The following NCKAP5 variants were observed in gnomAD, a reference collection of about 807,000 sequenced individuals.
NCKAP5 encodes the protein nck-associated protein 5.
Under a neutral mutation model 167.0 loss-of-function variants are expected in NCKAP5, and 92 were observed. The ratio of observed to expected loss-of-function variants is 0.55; its 90% CI spans 0.47 to 0.66. NCKAP5 has a LOEUF of 0.66. NCKAP5 is among the 30% of genes least tolerant of loss of function. The probability of loss-of-function intolerance (pLI) is 0.00; values close to 1 mark genes in which losing one functional copy is unlikely to be tolerated. For missense variants in NCKAP5, 2,378 were observed against 2,315.0 expected (o/e 1.03, Z -0.56); for synonymous variants, 891 against 877.4 (o/e 1.02, Z -0.27).
At chr2:132,878,457 T>A (rs560159946) in intron 9 of NCKAP5, among the ~76,000 whole-genome samples, 2 of 152,136 alleles carry the variant, frequency 1.3e-5, no homozygotes, top group Admixed American at 6.5e-5. Flanking sequence ...AGATGCAGCA[T>A]GCCCCGACAT....
At chr2:133,395,500 A>C (rs1687678738) in intron 3 of NCKAP5, among the ~76,000 whole-genome samples, 1 of 152,210 alleles carries the variant, frequency 6.6e-6, no homozygotes, top group Non-Finnish European at 1.5e-5. Context: ...GTCATGATTT[A>C]AGTTGTGTAT....
chr2:133,508,780 G>A (rs933150981), intron 3 of NCKAP5, among the ~76,000 whole-genome samples: 2 of 152,226 alleles, frequency 1.3e-5, no homozygotes, highest in African/African-American at 4.8e-5. Flanking sequence ...TTGAAAGATG[G>A]TGAGACAACA....
At chr2:133,022,081 G>A (rs1300702710) in intron 6 of NCKAP5, among the ~76,000 whole-genome samples, 1 of 152,226 alleles carries the variant, frequency 6.6e-6, no homozygotes, top group Non-Finnish European at 1.5e-5. Flanking sequence ...TTGATGGGAT[G>A]TCACTTCGGT....
At chr2:133,584,477 G>A in the NCKAP5 span, among the ~76,000 whole-genome samples, 2 of 152,086 alleles carry the variant, frequency 1.3e-5, no homozygotes, top group African/African-American at 2.4e-5. Flanking sequence ...TAAAAAATGA[G>A]GGCAGGGCCA....
the NCKAP5 span, among the ~76,000 whole-genome samples, chr2:133,594,830 A>T: frequency 1.3e-5 from 2 of 152,192 alleles, no homozygotes; most frequent in Non-Finnish European, 2.9e-5. Context: ...TCATCGCTAT[A>T]TGAGGACCAC....
chr2:133,005,959 C>T (rs1320010694), intron 6 of NCKAP5, among the ~76,000 whole-genome samples: 1 of 152,034 alleles, frequency 6.6e-6, no homozygotes, highest in Admixed American at 6.6e-5. Flanking sequence ...CCTGGACAAT[C>T]AAAATTTCTT....
At chr2:133,451,515 G>A (rs1193806704) in intron 3 of NCKAP5, among the ~76,000 whole-genome samples, 1 of 152,120 alleles carries the variant, frequency 6.6e-6, no homozygotes, top group Non-Finnish European at 1.5e-5. Context: ...CTTTTCCCTG[G>A]AATGCCACAC....
intron 4 of NCKAP5, among the ~76,000 whole-genome samples, chr2:133,224,266 T>C (rs1424546315): frequency 1.3e-5 from 2 of 152,216 alleles, no homozygotes; most frequent in South Asian, 2.1e-4. Context: ...GGTAAGTCCC[T>C]AGAAGGCTGT....
At chr2:133,150,542 GA>G (rs1331013268) in intron 5 of NCKAP5, among the ~76,000 whole-genome samples, 1 of 152,170 alleles carries the variant, frequency 6.6e-6, no homozygotes, top group African/African-American at 2.4e-5. Context: ...TTCTGTCGGT[GA>G]GGGCTTCATC....
chr2:133,059,952 A>C (rs1018637158), intron 6 of NCKAP5, among the ~76,000 whole-genome samples: 13 of 152,060 alleles, frequency 8.5e-5, no homozygotes, highest in African/African-American at 3.1e-4. Context: ...AAAATGAGGG[A>C]GGAAAGAGAA....
chr2:132,837,615 T>C (rs1021958165), intron 11 of NCKAP5, among the ~76,000 whole-genome samples: 2 of 152,184 alleles, frequency 1.3e-5, no homozygotes, highest in African/African-American at 4.8e-5. Flanking sequence ...ACTGAGTTGT[T>C]TCAGATGACC....
intron 3 of NCKAP5, among the ~76,000 whole-genome samples, chr2:133,322,847 G>C (rs568417164): frequency 6.6e-6 from 1 of 152,284 alleles, no homozygotes; most frequent in South Asian, 2.1e-4. Context: ...ACAGACTGCA[G>C]GGTCCCACCC....
At chr2:132,816,767 AG>A (rs1686308698) in intron 11 of NCKAP5, among the ~76,000 whole-genome samples, 1 of 152,168 alleles carries the variant, frequency 6.6e-6, no homozygotes, top group South Asian at 2.1e-4. Context: ...ACCAGCTCTT[AG>A]CAAAACCCCT....
chr2:133,616,831 T>C, the NCKAP5 span, among the ~76,000 whole-genome samples: 23 of 152,066 alleles, frequency 1.5e-4, no homozygotes, highest in African/African-American at 4.3e-4. Flanking sequence ...ATACCAAAGC[T>C]GGGCAGAGAC....
intron 8 of NCKAP5, among the ~76,000 whole-genome samples, chr2:132,884,642 CAA>C (rs1692069976): frequency 6.6e-6 from 1 of 152,146 alleles, no homozygotes; most frequent in Admixed American, 6.5e-5. Flanking sequence ...TCCAATTCTA[CAA>C]AGTCATGATT....
chr2:133,046,573 C>T (rs1347382831), intron 6 of NCKAP5, among the ~76,000 whole-genome samples: 1 of 151,916 alleles, frequency 6.6e-6, no homozygotes, highest in African/African-American at 2.4e-5. Context: ...GAGACAGTAC[C>T]TCTCTATGTT....
chr2:133,588,344 C>A, the NCKAP5 span, among the ~76,000 whole-genome samples: 1 of 118,196 alleles, frequency 8.5e-6, no homozygotes, highest in Admixed American at 1.0e-4. Context: ...CCTCCTTCTT[C>A]CCTTCCTTCC....
In NCKAP5 at chr2:133,212,450, C is replaced by G. The variant is rs571572075; in HGVS notation, c.207+1266G>C. Among the ~76,000 whole-genome samples, 6 of 152,290 alleles carry G rather than the reference C, an allele frequency of 3.9e-5. No individual in the cohort carries two copies. In the East Asian group the frequency reaches 1.2e-3, roughly 29 times the overall value. On this transcript the variant is annotated intron_variant, in intron 5 of 19. Transcript: ENST00000409261. ...TGGCACAATCTCGGCTCGCTGCAAC[C>G]TCCGCCTCCCAGGTTCAAATGATTC...
chr2:133,312,415 GC>G lies in NCKAP5; in HGVS notation c.70-9306del, dbSNP rs148293286. On this transcript the variant is annotated intron_variant, in intron 3 of 19. Coordinates refer to ENST00000409261, the MANE Select transcript of NCKAP5 (RefSeq NM_207363.3). The stretch of plus-strand genomic sequence containing the variant: ...AATCCCCCATCTCTCTCCAGCTGTA[GC>G]TGGACACACTGCTCCCAAGCTAGAA... Among the ~76,000 whole-genome samples the G allele has an allele frequency of 4.5e-3, 678 of 152,286 alleles. 1 individual carries two copies. The highest frequency in any genetic ancestry group is 7.6e-3 in the Non-Finnish European group (520 of 68,022).
Sources: allele counts gnomAD v4.1 joint callset (sites outside exome capture counted in the v4.1 genomes callset), GRCh38; gene constraint gnomAD v4.1.1; transcripts MANE v1.5; gene names NCBI Gene and HGNC (gene_info 2026-07-23, HGNC 2026-07-21).